Variants in CLPTM1L observed in about 807,000 individuals in gnomAD.
CLPTM1L encodes lipid scramblase CLPTM1L.
A neutral mutation model predicts 70.9 loss-of-function variants in CLPTM1L; 38 were observed. That is an observed-to-expected ratio of 0.54 (90% confidence interval 0.41 to 0.70). The LOEUF (loss-of-function observed/expected upper bound fraction) is 0.70, where lower values mean the gene tolerates loss of function less well. Ranked by LOEUF, CLPTM1L falls within the 30% of genes least tolerant of loss-of-function variation. The pLI, the probability that CLPTM1L is intolerant of heterozygous loss-of-function variation, is 0.00. For synonymous variants in CLPTM1L, 339 were observed against 299.9 expected, an observed-to-expected ratio of 1.13 and a Z score of -1.35; for missense variants, 652 against 705.9, an observed-to-expected ratio of 0.92 and a Z score of 0.87.
chr5:1,337,865 T>C, intron 5 of CLPTM1L, 39 bp downstream of exon 5: 2 of 1,516,956 alleles, frequency 1.3e-6, no homozygotes, highest in Non-Finnish European at 1.8e-6. Context: ...GGTCAGTGTC[T>C]CGCCAGCTGC....
Position 1,318,301 on chromosome 5 carries a change from C to T in CLPTM1L, c.*68G>A. The T allele has an allele frequency of 7.7e-7, 1 of 1,295,382 alleles. No homozygotes were observed. The highest frequency in any genetic ancestry group is 1.1e-6 in the Non-Finnish European group (1 of 895,366). 80.2% of individuals were successfully genotyped at this position (1,295,382 alleles called of 1,614,324 possible). ...GAAAACGCAATGTCTAGGAATTCCTCCAAATGCTTCCAAAAATACTCATTG... is the reference window on the plus strand; with the variant it reads ...GAAAACGCAATGTCTAGGAATTCCTTCAAATGCTTCCAAAAATACTCATTG... On this transcript the variant is annotated 3_prime_UTR_variant, in exon 17 of 17. Transcript: ENST00000320895. This position sits in a 1 kb window ranked among gnomAD's most constrained non-coding sequence, Gnocchi z 8.9.
chr5:1,324,682 G>T, intron 11 of CLPTM1L, 81 bp downstream of exon 11: 1 of 1,324,522 alleles, frequency 7.5e-7, no homozygotes, highest in Non-Finnish European at 1.1e-6. Context: ...CTTCCGCACT[G>T]AGCAATGACA....
rs376202682 is a variant in CLPTM1L, at chr5:1,338,983, G to A, written c.476C>T (p.Pro159Leu). ...CACTGGCTCATCCAGGGCACTCGTC[G>A]GCTTCTTCTCCGCCTCGATCTGCTG... Reference protein sequence around the residue: ...DTQQIEAEKKPTSALDEPVSH... With the variant: ...DTQQIEAEKKLTSALDEPVSH... Residue 159 changes from proline to leucine, a missense_variant, in exon 4 of 17, where the codon CCG becomes CTG. This residue lies in a region of CLPTM1L where 402 missense variants were observed against 388.2 expected (regional missense o/e 1.04). Coordinates refer to ENST00000320895, the MANE Select transcript of CLPTM1L (RefSeq NM_030782.5). 9.3e-6 allele frequency: 15 copies of A among 1,613,064 alleles called. No individual in the cohort carries two copies. The highest frequency in any genetic ancestry group is 1.6e-4 in the Middle Eastern group (1 of 6,084).
At chr5:1,336,689 C>G (rs1220107581) in intron 5 of CLPTM1L, among the ~76,000 whole-genome samples, 4 of 152,216 alleles carry the variant, frequency 2.6e-5, no homozygotes, top group Non-Finnish European at 4.4e-5. Flanking sequence ...CAGGGGCCGA[C>G]AGAGAAACTA....
intron 12 of CLPTM1L, 47 bp downstream of exon 12, chr5:1,323,740 T>C: frequency 1.3e-6 from 2 of 1,539,584 alleles, no homozygotes; most frequent in Non-Finnish European, 1.8e-6. Flanking sequence ...TCCAAATGGC[T>C]TTCTCAGGGG....
rs568415035 is a variant in CLPTM1L, at chr5:1,338,284, C to G, written c.600-302G>C. 789 of 459,484 alleles carry G rather than the reference C, an allele frequency of 1.7e-3. 10 individuals carry two copies. The South Asian group carries it at 0.017, about 10-fold the overall frequency. The allele number at this position is 459,484 out of a possible 1,614,324, so 28.5% of individuals were successfully genotyped here. ...GCCGTACAGCAGAACCCAGGGCCCT[C>G]TGCGCACTGACACGGAGCAATCCCA... On this transcript the variant is annotated intron_variant, in intron 4 of 16. Transcript: ENST00000320895.
intron 5 of CLPTM1L, 40 bp from the exon 6 acceptor site, chr5:1,335,214 C>T: frequency 6.6e-7 from 1 of 1,506,662 alleles, no homozygotes; most frequent in Middle Eastern, 1.7e-4. Flanking sequence ...GCCCTCATAC[C>T]CTTGCACCCA....
rs184256153 is a variant in CLPTM1L, at chr5:1,340,756, C to G, written c.453+915G>C. Reference sequence around the variant, plus strand: ...TCTCTGTCTGGAACAATTTCACAGCCTCTTCCTGGAAAGCTGCCATCTTTC... The same window carrying G: ...TCTCTGTCTGGAACAATTTCACAGCGTCTTCCTGGAAAGCTGCCATCTTTC... On this transcript the variant is annotated intron_variant, in intron 3 of 16. Transcript: ENST00000320895. Among the ~76,000 whole-genome samples the G allele has an allele frequency of 2.0e-5, 3 of 152,282 alleles. No individual in the cohort carries two copies. In the East Asian group the frequency reaches 5.8e-4, roughly 29 times the overall value.
At position 1,320,840 on chromosome 5, in the gene CLPTM1L, C is replaced by G. The variant is rs1752109259; in HGVS notation, c.1417-109G>C. ...GCTTTTGGCAGATGCTTGGAACTAACTGGAACTCCTCACAGCAACAACAAA... is the reference window on the plus strand; with the variant it reads ...GCTTTTGGCAGATGCTTGGAACTAAGTGGAACTCCTCACAGCAACAACAAA... On this transcript the variant is annotated intron_variant, in intron 15 of 16. Transcript: ENST00000320895. 5 of 594,964 alleles carry G rather than the reference C, an allele frequency of 8.4e-6. No individual in the cohort carries two copies. The South Asian group carries it at 1.1e-4, about 13-fold the overall frequency. The allele number at this position is 594,964 out of a possible 1,614,324, so 36.9% of individuals were successfully genotyped here.
chr5:1,326,902 GGACACATTTCATCCAGCTCCTCCTCT>G (rs1752615785), intron 9 of CLPTM1L, among the ~76,000 whole-genome samples: 2 of 71,682 alleles, frequency 2.8e-5, no homozygotes, highest in African/African-American at 1.1e-4. Context: ...CCTCCTCTAC[GGACACATTTCATCCAGCTCCTCCTCT>G]ACGGACACAT....
chr5:1,327,513 G>A (rs867821384), intron 9 of CLPTM1L, among the ~76,000 whole-genome samples: 30 of 120,406 alleles, frequency 2.5e-4, no homozygotes, highest in East Asian at 8.2e-4. Context: ...TCCTCTACAG[G>A]GACATTCCAT....
At chr5:1,329,267 G>T (rs1561238236) in intron 9 of CLPTM1L, among the ~76,000 whole-genome samples, 1 of 152,282 alleles carries the variant, frequency 6.6e-6, no homozygotes, top group Non-Finnish European at 1.5e-5. Flanking sequence ...AGGGCACCGA[G>T]TGATTTCCGT....
intron 9 of CLPTM1L, among the ~76,000 whole-genome samples, chr5:1,328,856 T>TCATCCAGCTCCTCCTCTACAGACACATTC: frequency 4.9e-5 from 7 of 143,644 alleles, no homozygotes; most frequent in Middle Eastern, 3.8e-3. Context: ...CAGACACATT[T>TCATCCAGCTCCTCCTCTACAGACACATTC]CATCCAGCTC....
Position 1,318,482 on chromosome 5 carries a change from A to AT in CLPTM1L, c.1533-30_1533-29insA. 1 of 1,579,468 alleles carries AT rather than the reference A, an allele frequency of 6.3e-7. No individual in the cohort carries two copies. The highest frequency in any genetic ancestry group is 8.7e-7 in the Non-Finnish European group (1 of 1,149,608). On this transcript the variant is annotated intron_variant, in intron 16 of 16. Transcript: ENST00000320895. The surrounding 1 kb of genome is among the most constrained non-coding windows in gnomAD (Gnocchi z 8.9). ...CAATGACACAAATGAGCACATCAGC[A>AT]AACCCCACTGCAGGGGCTATTTTTC...
In CLPTM1L at chr5:1,337,977, T is replaced by G. The variant is rs766628021; in HGVS notation, c.605A>C (p.Gln202Pro). ...ADVHRYMKMI[Q>P]LGKTVHYLPI... ...CAGGTAATGCACGGTTTTCCCCAGC[T>G]GGATCCTGGGATTAAAGCACAACTT... The change falls in exon 5 of 17, where the codon CAG (glutamine) becomes CCG (proline). Residue 202 changes from glutamine (Q) to proline (P), a missense_variant. Physicochemically the swap from Gln to Pro is moderately conservative, Grantham distance 76. Around this residue, in one of 3 missense-constraint regions of CLPTM1L, gnomAD observed 402 missense variants for 388.2 expected, o/e 1.04. Transcript: ENST00000320895. 6 of 1,605,378 alleles carry G rather than the reference T, an allele frequency of 3.7e-6. No homozygotes were observed. In the Admixed American group the frequency reaches 1.0e-4, roughly 28 times the overall value.
At chr5:1,319,360 G>GGA (rs1554044906) in intron 16 of CLPTM1L, among the ~76,000 whole-genome samples, 2 of 138,976 alleles carry the variant, frequency 1.4e-5, no homozygotes, top group African/African-American at 5.1e-5. Context: ...CAACAGGGTG[G>GGA]GGGGGGGCAG....
intron 5 of CLPTM1L, among the ~76,000 whole-genome samples, chr5:1,336,756 C>T (rs1753597827): frequency 2.0e-5 from 3 of 152,174 alleles, no homozygotes; most frequent in Admixed American, 1.3e-4. Flanking sequence ...GTGCAGCCCC[C>T]AGCCTGCAGG....
chr5:1,330,162 A>G (rs1752987857), intron 9 of CLPTM1L, 118 bp downstream of exon 9: 3 of 811,694 alleles, frequency 3.7e-6, no homozygotes, highest in Admixed American at 2.0e-5. Flanking sequence ...CACTGAGGCC[A>G]TCGGGAACAA....
chr5:1,325,636 CCT>C (rs1467699263), intron 10 of CLPTM1L, 113 bp downstream of exon 10: 2 of 824,622 alleles, frequency 2.4e-6, no homozygotes, highest in South Asian at 1.5e-5. Flanking sequence ...CGGAGGCTCC[CCT>C]GACAGAGGCC....
Sources: allele counts gnomAD v4.1 joint callset (sites outside exome capture counted in the v4.1 genomes callset), GRCh38; gene constraint gnomAD v4.1.1; regional missense constraint gnomAD v4.1.1; non-coding constraint Gnocchi (gnomAD v3.1); transcripts MANE v1.5; gene names NCBI Gene and HGNC (gene_info 2026-07-23, HGNC 2026-07-21).